TBC1D5: variants seen among roughly 807,000 people sequenced by gnomAD.
The protein encoded by TBC1D5 is TBC1 domain family member 5, also known as TBC1 domain family, member 5.
In TBC1D5, 75 loss-of-function variants were observed where a neutral mutation model predicts 100.3. The ratio of observed to expected loss-of-function variants is 0.75; its 90% CI spans 0.62 to 0.91. The LOEUF (loss-of-function observed/expected upper bound fraction) is 0.91. Ranked by LOEUF, TBC1D5 falls within the 40% of genes least tolerant of loss-of-function variation. TBC1D5 has a pLI of 0.00. For synonymous variants in TBC1D5, 323 were observed against 325.6 expected (o/e 0.99, Z 0.09); for missense variants, 910 against 942.4 (o/e 0.97, Z 0.45).
At chr3:17,446,339 T>G (rs1455520939) in intron 3 of TBC1D5, among the ~76,000 whole-genome samples, 1 of 152,102 alleles carries the variant, frequency 6.6e-6, no homozygotes, top group Non-Finnish European at 1.5e-5. Flanking sequence ...TCAAAAAAAG[T>G]AAAACAGATT....
chr3:17,499,996 C>T (rs926182287), intron 3 of TBC1D5, among the ~76,000 whole-genome samples: 1 of 148,908 alleles, frequency 6.7e-6, no homozygotes, highest in Non-Finnish European at 1.5e-5. Context: ...GACCTAATTG[C>T]CTAAAGGGGT....
At chr3:17,603,384 C>T (rs984991049) in intron 2 of TBC1D5, among the ~76,000 whole-genome samples, 11 of 152,018 alleles carry the variant, frequency 7.2e-5, no homozygotes, top group African/African-American at 1.9e-4. Flanking sequence ...AAGATGGCAA[C>T]GAAAGCAACC....
At chr3:17,592,270 T>G (rs990542759) in intron 2 of TBC1D5, among the ~76,000 whole-genome samples, 22 of 152,258 alleles carry the variant, frequency 1.4e-4, no homozygotes, top group African/African-American at 4.3e-4. Flanking sequence ...GATATCATAC[T>G]GGTCCATTAC....
intron 17 of TBC1D5, among the ~76,000 whole-genome samples, chr3:17,233,957 T>TG (rs1440683458): frequency 6.6e-6 from 1 of 152,100 alleles, no homozygotes. Flanking sequence ...TTTGTGTTTG[T>TG]TTTTCTTAAA....
intron 9 of TBC1D5, among the ~76,000 whole-genome samples, chr3:17,380,497 C>T (rs1264334831): frequency 6.6e-6 from 1 of 151,912 alleles, no homozygotes; most frequent in East Asian, 1.9e-4. Flanking sequence ...ATTCAATATG[C>T]TACAAATTTG....
At chr3:17,695,737 A>G (rs946336672) in intron 1 of TBC1D5, among the ~76,000 whole-genome samples, 2 of 152,218 alleles carry the variant, frequency 1.3e-5, no homozygotes, top group Non-Finnish European at 2.9e-5. Flanking sequence ...TCAGCTCTGC[A>G]CCAAGCTGAC....
intron 18 of TBC1D5, among the ~76,000 whole-genome samples, chr3:17,194,108 G>C (rs924966353): frequency 6.6e-6 from 1 of 152,186 alleles, no homozygotes; most frequent in Admixed American, 6.5e-5. Flanking sequence ...TCTCCCAGGG[G>C]ATGGGATGCA....
At chr3:17,214,565 A>C (rs370999529) in intron 17 of TBC1D5, among the ~76,000 whole-genome samples, 195 bp from the exon 19 acceptor site, 99 of 152,204 alleles carry the variant, frequency 6.5e-4, no homozygotes, top group African/African-American at 2.0e-3. Context: ...AAAACAGTGA[A>C]GGTATCTACC....
At position 17,706,036 on chromosome 3, in the gene TBC1D5, T is replaced by C. The variant is rs1289174968; in HGVS notation, c.-101+33307A>G. The C allele has an allele frequency of 5.8e-6, 9 of 1,558,866 alleles. No individual in the cohort carries two copies. The Admixed American group carries it at 1.1e-4, about 20-fold the overall frequency. ...TGTCACCCAGCCTGGACTTACACCA[T>C]GTTCTTTAAGGTGGGAGCCTACTGA... On this transcript the variant is annotated intron_variant, in intron 1 of 21. Transcript: ENST00000253692.
At chr3:17,526,379 G>A (rs984677878) in intron 2 of TBC1D5, among the ~76,000 whole-genome samples, 14 of 151,958 alleles carry the variant, frequency 9.2e-5, no homozygotes, top group Non-Finnish European at 1.3e-4. Context: ...CACCAGGCTC[G>A]GTTAATTTCT....
intron 17 of TBC1D5, among the ~76,000 whole-genome samples, chr3:17,222,212 T>G (rs914906505): frequency 6.6e-6 from 1 of 152,174 alleles, no homozygotes; most frequent in African/African-American, 2.4e-5. Flanking sequence ...TATTTTACAG[T>G]CTTTCTTGTT....
chr3:17,639,255 A>G (rs1304912918), intron 1 of TBC1D5, among the ~76,000 whole-genome samples: 6 of 152,198 alleles, frequency 3.9e-5, no homozygotes, highest in African/African-American at 1.4e-4. Context: ...TATGCTCTGG[A>G]CAAAGATAGG....
intron 4 of TBC1D5, among the ~76,000 whole-genome samples, chr3:17,407,688 A>G (rs1444693475): frequency 6.6e-6 from 1 of 152,142 alleles, no homozygotes; most frequent in African/African-American, 2.4e-5. Flanking sequence ...GAAGTTCCAG[A>G]AGAGTGACCA....
intron 1 of TBC1D5, among the ~76,000 whole-genome samples, chr3:17,735,215 T>G (rs80188321): frequency 6.6e-6 from 1 of 152,230 alleles, no homozygotes; most frequent in Non-Finnish European, 1.5e-5. Flanking sequence ...TATAATAGTG[T>G]TCAACGTAGC....
At chr3:17,224,799 G>C (rs1344605974) in intron 17 of TBC1D5, among the ~76,000 whole-genome samples, 1 of 152,106 alleles carries the variant, frequency 6.6e-6, no homozygotes, top group Non-Finnish European at 1.5e-5. Context: ...AACACCCAGA[G>C]GTTTCTTTTG....
chr3:17,655,347 C>T (rs1398260642), intron 1 of TBC1D5, among the ~76,000 whole-genome samples: 1 of 151,156 alleles, frequency 6.6e-6, no homozygotes, highest in Non-Finnish European at 1.5e-5. Flanking sequence ...AGGAGATATA[C>T]CTAATGCTAA....
chr3:17,635,561 TC>T (rs1234167131), intron 1 of TBC1D5, among the ~76,000 whole-genome samples: 1 of 151,946 alleles, frequency 6.6e-6, no homozygotes, highest in Non-Finnish European at 1.5e-5. Context: ...ATGGCTGTAA[TC>T]CCAGCCACTT....
At chr3:17,486,074 G>A (rs1185635633) in intron 3 of TBC1D5, among the ~76,000 whole-genome samples, 1 of 151,914 alleles carries the variant, frequency 6.6e-6, no homozygotes, top group Non-Finnish European at 1.5e-5. Context: ...GTTTTGATTT[G>A]CATTTCTCTG....
chr3:17,455,494 A>G (rs576828296), intron 3 of TBC1D5, among the ~76,000 whole-genome samples: 23 of 135,782 alleles, frequency 1.7e-4, no homozygotes, highest in Admixed American at 7.2e-4. Flanking sequence ...ATATATGTGT[A>G]TATATATATG....
Sources: gnomAD v4.1 joint callset for allele counts (sites outside exome capture counted in the v4.1 genomes callset) on GRCh38, gnomAD v4.1.1 for gene constraint, MANE v1.5 for transcripts, NCBI Gene and HGNC (gene_info 2026-07-23, HGNC 2026-07-21) for gene names.